TTC28: variants seen among roughly 807,000 people sequenced by gnomAD.
The protein encoded by TTC28 is tetratricopeptide repeat protein 28.
A neutral mutation model predicts 198.0 loss-of-function variants in TTC28; 61 were observed. The ratio of observed to expected loss-of-function variants is 0.31; its 90% CI spans 0.25 to 0.38. The LOEUF is 0.38. Among genes scored for constraint, TTC28 ranks in the 10% least tolerant of loss-of-function variants. The pLI, the probability that TTC28 is intolerant of heterozygous loss-of-function variation, is 1.00. For synonymous variants in TTC28, 1,171 were observed against 1,297.8 expected (o/e 0.90, Z 2.10); for missense variants, 2,678 against 3,164.0 (o/e 0.85, Z 3.69).
rs1222469926 is a variant in TTC28 at position 28,107,496 on chromosome 22, T to C, written c.2349A>G (p.Val783=). The change falls in exon 7 of 23, where the codon GTA becomes GTG. Residue 783 remains valine (V), a synonymous_variant. Transcript: ENST00000397906. ...ALGYHTQELE[V]YQELSDLPGE... is the part of the protein sequence containing the mutation. Reference sequence around the variant, plus strand: ...CTGGCAAGTCACTCAGCTCCTGATATACCTCCAGTTCCTGTGTGTGATAAC... The same window carrying C: ...CTGGCAAGTCACTCAGCTCCTGATACACCTCCAGTTCCTGTGTGTGATAAC... The C allele has an allele frequency of 3.2e-6, 5 of 1,551,768 alleles. No homozygotes were observed. The highest frequency in any genetic ancestry group is 2.0e-5 in the Admixed American group (1 of 51,012).
rs190638571 is a variant in TTC28 at position 28,013,618 on chromosome 22, T to C, written c.4218+630A>G. On this transcript the variant is annotated intron_variant, in intron 14 of 22. Coordinates refer to ENST00000397906, the MANE Select transcript of TTC28 (RefSeq NM_001145418.2). Reference sequence around the variant, plus strand: ...TGAGACTCCATCTCACCAGAAAGCATAGCCCTGGCTCGAAGTTGCTCAGAC... The same window carrying C: ...TGAGACTCCATCTCACCAGAAAGCACAGCCCTGGCTCGAAGTTGCTCAGAC... 5.3e-5 allele frequency among the ~76,000 whole-genome samples: 8 copies of C among 152,286 alleles called. No individual in the cohort carries two copies. The East Asian group carries it at 1.5e-3, about 29-fold the overall frequency.
At position 28,109,517 on chromosome 22, in the gene TTC28, C is replaced by A. The variant is rs189051662; in HGVS notation, c.1442-1114G>T. 7.7e-4 allele frequency among the ~76,000 whole-genome samples: 118 copies of A among 152,320 alleles called. No homozygotes were observed. In the South Asian group the frequency reaches 8.1e-3, roughly 10 times the overall value. On this transcript the variant is annotated intron_variant, in intron 6 of 22. Coordinates refer to ENST00000397906, the MANE Select transcript of TTC28 (RefSeq NM_001145418.2). Reference sequence around the variant, plus strand: ...TTGTAATTCTGCTATACTGCTTTTACAATCAACAATAACAGTGCTCCAAAC... The same window carrying A: ...TTGTAATTCTGCTATACTGCTTTTAAAATCAACAATAACAGTGCTCCAAAC...
intron 2 of TTC28, among the ~76,000 whole-genome samples, chr22:28,422,898 T>G (rs1328652511): frequency 6.6e-6 from 1 of 152,192 alleles, no homozygotes; most frequent in African/African-American, 2.4e-5. Flanking sequence ...TTATCAATAA[T>G]TCCTAACAAT....
chr22:28,040,888 T>C (rs1365260091), intron 12 of TTC28, among the ~76,000 whole-genome samples: 1 of 152,156 alleles, frequency 6.6e-6, no homozygotes, highest in Non-Finnish European at 1.5e-5. Context: ...TTCAGCAAAG[T>C]CTTAGGATAC....
At chr22:28,265,561 C>T (rs1367790965) in intron 5 of TTC28, among the ~76,000 whole-genome samples, 1 of 152,128 alleles carries the variant, frequency 6.6e-6, no homozygotes, top group Non-Finnish European at 1.5e-5. Context: ...TAAATGGGTG[C>T]TTTTGTTACT....
intron 5 of TTC28, among the ~76,000 whole-genome samples, chr22:28,291,509 A>G (rs2044787314): frequency 6.6e-6 from 1 of 152,222 alleles, no homozygotes; most frequent in East Asian, 1.9e-4. Context: ...ATAAGATATT[A>G]CCTTTTTCTT....
At chr22:28,275,806 C>T (rs567520963) in intron 5 of TTC28, among the ~76,000 whole-genome samples, 40 of 151,844 alleles carry the variant, frequency 2.6e-4, no homozygotes, top group African/African-American at 8.7e-4. Flanking sequence ...CCCTACACTC[C>T]ATTCTGATGC....
chr22:28,401,192 G>GGAGGA (rs2046901528), intron 2 of TTC28, among the ~76,000 whole-genome samples: 2 of 151,620 alleles, frequency 1.3e-5, no homozygotes, highest in African/African-American at 4.9e-5. Flanking sequence ...AAAGGAGGGG[G>GGAGGA]GGAGGAGGAG....
chr22:28,081,638 G>A (rs546956440), intron 12 of TTC28, among the ~76,000 whole-genome samples: 8 of 152,002 alleles, frequency 5.3e-5, no homozygotes, highest in South Asian at 2.1e-4. Context: ...GATTACAGGC[G>A]TGCGCCACCT....
At chr22:27,987,069 T>G (rs2146506866) in intron 21 of TTC28, among the ~76,000 whole-genome samples, 1 of 152,290 alleles carries the variant, frequency 6.6e-6, no homozygotes, top group African/African-American at 2.4e-5. Flanking sequence ...TCTTGGAGCC[T>G]TGGAGCCCTG....
At chr22:28,153,053 A>G (rs1418318645) in intron 6 of TTC28, among the ~76,000 whole-genome samples, 1 of 152,190 alleles carries the variant, frequency 6.6e-6, no homozygotes, top group Non-Finnish European at 1.5e-5. Flanking sequence ...TGTGTATTAT[A>G]TAGATAATAT....
At chr22:28,475,177 GA>G (rs2048147098) in intron 2 of TTC28, among the ~76,000 whole-genome samples, 1 of 139,708 alleles carries the variant, frequency 7.2e-6, no homozygotes, top group Non-Finnish European at 1.6e-5. Flanking sequence ...AAAAAAGAAA[GA>G]AAAGAAAAGA....
chr22:28,214,791 C>A (rs1224738376), intron 5 of TTC28, among the ~76,000 whole-genome samples: 1 of 152,128 alleles, frequency 6.6e-6, no homozygotes, highest in Non-Finnish European at 1.5e-5. Flanking sequence ...GGTCTATACC[C>A]AAAGGATTAT....
chr22:28,546,429 G>A (rs1005453370), intron 2 of TTC28, among the ~76,000 whole-genome samples: 14 of 152,186 alleles, frequency 9.2e-5, no homozygotes, highest in Admixed American at 9.2e-4. Context: ...CTGGGTGACA[G>A]AGCAAAATTC....
At chr22:28,194,435 A>T (rs1925190605) in intron 5 of TTC28, among the ~76,000 whole-genome samples, 1 of 152,196 alleles carries the variant, frequency 6.6e-6, no homozygotes, top group Non-Finnish European at 1.5e-5. Flanking sequence ...CTAAGATCAG[A>T]GCAGAACTGA....
intron 21 of TTC28, among the ~76,000 whole-genome samples, chr22:27,988,356 C>T (rs1406059550): frequency 1.3e-5 from 2 of 149,204 alleles, no homozygotes; most frequent in East Asian, 4.0e-4. Flanking sequence ...GGCGCGATCT[C>T]GGCTCACAGC....
chr22:28,166,446 T>TA (rs1921968068), intron 5 of TTC28, among the ~76,000 whole-genome samples: 1 of 152,162 alleles, frequency 6.6e-6, no homozygotes, highest in Admixed American at 6.5e-5. Context: ...TCAGCAAATG[T>TA]AAAAGAACAC....
intron 6 of TTC28, among the ~76,000 whole-genome samples, chr22:28,132,842 T>C (rs982812528): frequency 6.6e-6 from 1 of 152,360 alleles, no homozygotes; most frequent in South Asian, 2.1e-4. Flanking sequence ...GCTTCAAACA[T>C]TGTTTCTCTA....
rs930096879 is a variant in TTC28 at position 28,096,427 on chromosome 22, T to A, written c.3548-19A>T. 6.5e-7 allele frequency: 1 copy of A among 1,549,962 alleles called. No homozygotes were observed. The highest frequency in any genetic ancestry group is 8.7e-7 in the Non-Finnish European group (1 of 1,146,762). ...TGATGGCCTAGGAGACAAAGAGATA[T>A]GCCGAGGAGTCCATAGTGAGTGTGC... is the stretch of plus-strand genomic sequence containing the variant. On this transcript the variant is annotated intron_variant, in intron 10 of 22. Coordinates refer to ENST00000397906, the MANE Select transcript of TTC28 (RefSeq NM_001145418.2).
Sources: gnomAD v4.1 joint callset for allele counts (sites outside exome capture counted in the v4.1 genomes callset) on GRCh38, gnomAD v4.1.1 for gene constraint, MANE v1.5 for transcripts, NCBI Gene and HGNC (gene_info 2026-07-23, HGNC 2026-07-21) for gene names.